Variants in PPL observed in about 807,000 individuals in gnomAD.
The protein encoded by PPL is 190 kDa paraneoplastic pemphigus antigen.
In PPL, 198 loss-of-function variants were observed where a neutral mutation model predicts 194.4. That is an observed-to-expected ratio of 1.02 (90% CI 0.91 to 1.15). The LOEUF (loss-of-function observed/expected upper bound fraction) is 1.15, where lower values mean the gene tolerates loss of function less well. Ranked by LOEUF, PPL falls within the 50% of genes most tolerant of loss-of-function variation. The pLI is 0.00. For missense variants in PPL, 2,885 were observed against 2,294.8 expected, an observed-to-expected ratio of 1.26 and a Z score of -5.25; for synonymous variants, 1,220 against 972.4, an observed-to-expected ratio of 1.25 and a Z score of -4.74.
chr16:4,910,539 G>A (rs2142385216), intron 2 of PPL, among the ~76,000 whole-genome samples: 1 of 152,064 alleles, frequency 6.6e-6, no homozygotes, highest in East Asian at 1.9e-4. Flanking sequence ...GAAGAGGGAG[G>A]AACTTAGTAT....
chr16:4,933,559 G>C (rs763043925), intron 1 of PPL, among the ~76,000 whole-genome samples: 3 of 152,162 alleles, frequency 2.0e-5, no homozygotes, highest in Non-Finnish European at 4.4e-5. Flanking sequence ...CAGCATCTGT[G>C]CTCTGACTGT....
In PPL at chr16:4,885,760, C is replaced by T; in HGVS notation, c.2895G>A (p.Gln965=). 3 of 1,612,352 alleles carry T rather than the reference C, an allele frequency of 1.9e-6. No individual in the cohort carries two copies. Among genetic ancestry groups the T allele is most frequent in the Admixed American group, 3.3e-5 (2 of 60,030 alleles). ...GTGCCTCCAGCTCCTCCTGCAGCAG[C>T]TGGTTCTTGTGCTGCTCCTCTGCCA... ...RTLAEEQHKN[Q]LLQEELEALQ... The change falls in exon 22 of 22, where the codon CAG becomes CAA. Residue 965 remains glutamine (Q), a synonymous_variant. Coordinates refer to ENST00000345988, the MANE Select transcript of PPL (RefSeq NM_002705.5). The surrounding 1 kb of genome is among the most constrained non-coding windows in gnomAD (Gnocchi z 6.3).
rs1198261960 is a variant in PPL at position 4,884,918 on chromosome 16, T to C, written c.3737A>G (p.Lys1246Arg). ...CTCCTCCCTGAGCCGCTGAAGCTCCTTCTCCATCTCAGGGTCAGTCTTGTA... is the reference window on the plus strand; with the variant it reads ...CTCCTCCCTGAGCCGCTGAAGCTCCCTCTCCATCTCAGGGTCAGTCTTGTA... ...IKYKTDPEMEKELQRLREEIV... is the reference protein window; with the variant it reads ...IKYKTDPEMERELQRLREEIV... The change falls in exon 22 of 22, where the codon AAG (lysine) becomes AGG (arginine). Residue 1246 changes from lysine (K) to arginine (R), a missense_variant. Lys to Arg is a conservative substitution (Grantham distance 26, BLOSUM62 2). Transcript: ENST00000345988. The surrounding 1 kb of genome is among the most constrained non-coding windows in gnomAD (Gnocchi z 5.7). 3 of 1,614,170 alleles carry C rather than the reference T, an allele frequency of 1.9e-6. No individual in the cohort carries two copies. The East Asian group carries it at 6.7e-5, about 36-fold the overall frequency.
rs764826268 is a variant in PPL at position 4,883,752 on chromosome 16, C to T, written c.4903G>A (p.Glu1635Lys). 50 of 1,613,928 alleles carry T rather than the reference C, an allele frequency of 3.1e-5. No homozygotes were observed. The East Asian group carries it at 5.8e-4, about 19-fold the overall frequency. The change falls in exon 22 of 22, where the codon GAG becomes AAG. Residue 1635 changes from glutamate (E) to lysine (K), a missense_variant. By Grantham distance (56) the Glu-to-Lys change is moderately conservative. Transcript: ENST00000345988. The surrounding 1 kb of genome is among the most constrained non-coding windows in gnomAD (Gnocchi z 4.8). ...LSKDKDLEID[E>K]LQKRLGSVAV... ...ACGGAGCCCAGGCGCTTCTGCAGCT[C>T]GTCGATCTCGAGGTCTTTGTCCTTG...
rs753036431 is a variant in PPL, at chr16:4,888,106, TC to T, written c.2509del (p.Glu837LysfsTer28). 4 of 1,611,912 alleles carry T rather than the reference TC, an allele frequency of 2.5e-6. No homozygotes were observed. In the African/African-American group the frequency reaches 5.3e-5, roughly 22 times the overall value. Reference protein sequence around the residue: ...RLQSPATKVKEEEAALAAKFT... With the variant: ...RLQSPATKVKXEEAALAAKFT... ...CGCCTGGCCCATGGAACTCACCTCT[TC>T]CTTCACTTTGGTGGCAGGAGATTGG... On this transcript the variant is annotated frameshift_variant, in exon 20 of 22. Transcript: ENST00000345988. LOFTEE classifies it high-confidence loss of function.
chr16:4,934,529 G>A (rs147094753), intron 1 of PPL, among the ~76,000 whole-genome samples: 1 of 152,122 alleles, frequency 6.6e-6, no homozygotes, highest in Non-Finnish European at 1.5e-5. Flanking sequence ...ACAAGGCTTC[G>A]AGAGGCTCCA....
intron 2 of PPL, among the ~76,000 whole-genome samples, chr16:4,905,399 T>G (rs968372783): frequency 1.3e-5 from 2 of 152,070 alleles, no homozygotes. Context: ...TCCAGAGAGA[T>G]GGAAAGTCAC....
At chr16:4,903,833 C>A (rs757903317) in intron 3 of PPL, 53 bp downstream of exon 3, 17 of 1,602,918 alleles carry the variant, frequency 1.1e-5, no homozygotes, top group Non-Finnish European at 1.4e-5. Context: ...ACCCCCCGCC[C>A]TGGCCCATAG....
rs746308806 is a variant in PPL, at chr16:4,937,005, C to A, written c.41G>T (p.Ser14Ile). The change falls in exon 1 of 22, where the codon AGC becomes ATC. Residue 14 changes from serine to isoleucine, a missense_variant. Physicochemically the swap from Ser to Ile is moderately radical, Grantham distance 142. Transcript: ENST00000345988. The part of the protein sequence containing the change: ...LFRKRNKGKY[S>I]PTVQTRSISN... ...TCACCTCCGGGTCTGCACAGTGGGGCTGTATTTGCCTTTGTTTCTCTTCCT... is the reference window on the plus strand; with the variant it reads ...TCACCTCCGGGTCTGCACAGTGGGGATGTATTTGCCTTTGTTTCTCTTCCT... 1.9e-6 allele frequency: 3 copies of A among 1,542,248 alleles called. No individual in the cohort carries two copies. The highest frequency in any genetic ancestry group is 2.6e-6 in the Non-Finnish European group (3 of 1,143,704).
intron 1 of PPL, among the ~76,000 whole-genome samples, chr16:4,911,315 C>G (rs2088816499): frequency 1.3e-5 from 2 of 152,002 alleles, no homozygotes; most frequent in Non-Finnish European, 2.9e-5. Flanking sequence ...GCATGCACCA[C>G]CAAGCCTGGC....
At chr16:4,919,636 G>A (rs2088995902) in intron 1 of PPL, among the ~76,000 whole-genome samples, 1 of 152,172 alleles carries the variant, frequency 6.6e-6, no homozygotes, top group African/African-American at 2.4e-5. Context: ...CTCTAGTTAT[G>A]TTCATGTATG....
intron 4 of PPL, 87 bp from the exon 5 acceptor site, chr16:4,901,176 A>G: frequency 1.4e-6 from 2 of 1,448,098 alleles, no homozygotes; most frequent in East Asian, 2.3e-5. Context: ...GGGGGTGGGC[A>G]TGATGGTGCT....
chr16:4,893,448 A>G, intron 13 of PPL, 78 bp from the exon 14 acceptor site: 1 of 1,588,412 alleles, frequency 6.3e-7, no homozygotes, highest in South Asian at 1.1e-5. Flanking sequence ...CTAGGCAGCC[A>G]GCCCCCCGCC....
chr16:4,907,336 A>G (rs569632197), intron 2 of PPL, among the ~76,000 whole-genome samples: 246 of 151,642 alleles, frequency 1.6e-3, no homozygotes, highest in African/African-American at 5.7e-3. Context: ...ACACACACAC[A>G]CACACACACA....
At chr16:4,899,161 G>A (rs1278363047) in intron 7 of PPL, 41 bp from the exon 8 acceptor site, 2 of 1,613,514 alleles carry the variant, frequency 1.2e-6, no homozygotes, top group East Asian at 4.5e-5. Context: ...TGCCCAGCCT[G>A]GCGGTCCCGT....
chr16:4,927,057 T>C (rs771632030), intron 1 of PPL, among the ~76,000 whole-genome samples: 1 of 151,972 alleles, frequency 6.6e-6, no homozygotes, highest in Non-Finnish European at 1.5e-5. Context: ...GCATGATAAA[T>C]AGGGCACTAT....
At chr16:4,924,666 C>T (rs1251378275) in intron 1 of PPL, among the ~76,000 whole-genome samples, 2 of 152,190 alleles carry the variant, frequency 1.3e-5, no homozygotes, top group Non-Finnish European at 2.9e-5. Flanking sequence ...GGGCTCCCCA[C>T]TGTGCCCACT....
At chr16:4,912,730 C>A (rs555455178) in intron 1 of PPL, among the ~76,000 whole-genome samples, 3 of 152,190 alleles carry the variant, frequency 2.0e-5, no homozygotes, top group African/African-American at 7.2e-5. Context: ...CACTGGGCTG[C>A]CCGCTGTTAC....
At chr16:4,908,032 C>T (rs536923585) in intron 2 of PPL, among the ~76,000 whole-genome samples, 103 of 151,808 alleles carry the variant, frequency 6.8e-4, no homozygotes, top group African/African-American at 2.4e-3. Context: ...CGTGGTGGTG[C>T]CTGCCTGTGG....
Sources: allele counts gnomAD v4.1 joint callset (sites outside exome capture counted in the v4.1 genomes callset), GRCh38; gene constraint gnomAD v4.1.1; non-coding constraint Gnocchi (gnomAD v3.1); transcripts MANE v1.5; gene names NCBI Gene and HGNC (gene_info 2026-07-23, HGNC 2026-07-21).